GPC5: variants seen among roughly 807,000 people sequenced by gnomAD.
The protein encoded by GPC5 is glypican 5.
GPC5 carries 47 observed loss-of-function variants against 53.9 expected under a neutral mutation model. That is an observed-to-expected ratio of 0.87 (90% CI 0.69 to 1.11). The LOEUF is 1.11. Ranked by LOEUF, GPC5 falls within the 50% of genes most tolerant of loss-of-function variation. The pLI is 0.00. For missense variants in GPC5, 748 were observed against 713.1 expected (o/e 1.05, Z -0.56); for synonymous variants, 286 against 263.3 (o/e 1.09, Z -0.84).
At chr13:92,788,039 T>C (rs1876322331) in intron 7 of GPC5, among the ~76,000 whole-genome samples, 1 of 152,054 alleles carries the variant, frequency 6.6e-6, no homozygotes, top group African/African-American at 2.4e-5. Context: ...AGATTAAAAG[T>C]GCATATCCAG....
chr13:92,725,570 A>G (rs1192795301), intron 7 of GPC5, among the ~76,000 whole-genome samples: 5 of 151,656 alleles, frequency 3.3e-5, no homozygotes, highest in African/African-American at 4.8e-5. Context: ...ATTATCCCTC[A>G]GTGAAATTGG....
intron 2 of GPC5, among the ~76,000 whole-genome samples, chr13:91,553,577 A>C (rs58296272): frequency 0.17 from 26,014 of 152,054 alleles, 2,381 homozygotes; most frequent in South Asian, 0.34. Context: ...CTACGGCATT[A>C]GTTTGTCTAT....
At chr13:92,096,481 G>T (rs1188465796) in intron 6 of GPC5, among the ~76,000 whole-genome samples, 1 of 152,176 alleles carries the variant, frequency 6.6e-6, no homozygotes, top group African/African-American at 2.4e-5. Flanking sequence ...GTTACATGGT[G>T]CCATGGTATG....
intron 7 of GPC5, among the ~76,000 whole-genome samples, chr13:92,642,339 T>A (rs9589609): frequency 0.047 from 7,193 of 152,268 alleles, 591 homozygotes; most frequent in African/African-American, 0.16. Flanking sequence ...TTCATAAAAA[T>A]CCATCCTCAC....
intron 7 of GPC5, among the ~76,000 whole-genome samples, chr13:92,393,212 T>A (rs1274850506): frequency 6.6e-6 from 1 of 152,014 alleles, no homozygotes; most frequent in African/African-American, 2.4e-5. Context: ...CAGAATACTA[T>A]GCAGCCATAA....
At chr13:92,274,495 A>T (rs1377816091) in intron 7 of GPC5, among the ~76,000 whole-genome samples, 1 of 152,022 alleles carries the variant, frequency 6.6e-6, no homozygotes, top group African/African-American at 2.4e-5. Flanking sequence ...ATTGTTCAGG[A>T]TCTTTAAACT....
At chr13:91,638,377 T>C (rs1340953173) in intron 2 of GPC5, among the ~76,000 whole-genome samples, 1 of 152,056 alleles carries the variant, frequency 6.6e-6, no homozygotes, top group Non-Finnish European at 1.5e-5. Flanking sequence ...TTTTTTTTTC[T>C]TTTTTTGAGA....
rs1879356511 is a variant in GPC5 at position 92,866,985 on chromosome 13, T to G, written c.*546T>G. 1 of 152,144 alleles carries G rather than the reference T, an allele frequency of 6.6e-6. No individual in the cohort carries two copies. Among genetic ancestry groups the G allele is most frequent in the Non-Finnish European group, 1.5e-5 (1 of 68,014 alleles). 9.4% of individuals were successfully genotyped at this position (152,144 alleles called of 1,614,324 possible). On this transcript the variant is annotated 3_prime_UTR_variant, in exon 8 of 8. Coordinates refer to ENST00000377067, the MANE Select transcript of GPC5 (RefSeq NM_004466.6). ...TGTCTATAAGTTATGGGGTAGATTC[T>G]TGAGAAGCATTTCATATAATTTCAC...
At chr13:92,226,560 T>C (rs1397195907) in intron 7 of GPC5, among the ~76,000 whole-genome samples, 1 of 151,518 alleles carries the variant, frequency 6.6e-6, no homozygotes, top group African/African-American at 2.4e-5. Context: ...AAAAACACAA[T>C]GGGAACAGAG....
chr13:91,620,156 T>C (rs370406910), intron 2 of GPC5, among the ~76,000 whole-genome samples: 162 of 152,232 alleles, frequency 1.1e-3, no homozygotes, highest in African/African-American at 3.8e-3. Context: ...CTAGCCCAAA[T>C]CATGCTTTAA....
intron 6 of GPC5, among the ~76,000 whole-genome samples, chr13:91,983,127 C>T (rs2040374843): frequency 2.0e-5 from 3 of 151,900 alleles, no homozygotes; most frequent in African/African-American, 2.4e-5. Flanking sequence ...GGGCGGATCA[C>T]GAGGTCAGGA....
intron 7 of GPC5, among the ~76,000 whole-genome samples, chr13:92,298,689 C>T (rs1435401624): frequency 6.6e-6 from 1 of 152,082 alleles, no homozygotes; most frequent in Non-Finnish European, 1.5e-5. Context: ...CTCCTGGGTC[C>T]TGCAGGAGCA....
intron 2 of GPC5, among the ~76,000 whole-genome samples, chr13:91,562,360 T>C (rs2031313794): frequency 6.6e-6 from 1 of 152,146 alleles, no homozygotes; most frequent in Non-Finnish European, 1.5e-5. Flanking sequence ...GTCACCTTCA[T>C]AAGTACATGG....
intron 7 of GPC5, among the ~76,000 whole-genome samples, chr13:92,770,960 A>G (rs937083115): frequency 6.6e-6 from 1 of 151,848 alleles, no homozygotes; most frequent in South Asian, 2.1e-4. Flanking sequence ...TGGTAGTTCT[A>G]TTTCCCCCTA....
chr13:92,293,666 C>G (rs112106875), intron 7 of GPC5, among the ~76,000 whole-genome samples: 143 of 152,116 alleles, frequency 9.4e-4, no homozygotes, highest in African/African-American at 3.3e-3. Context: ...TTCCTCATTA[C>G]CAATTTGGAT....
At chr13:92,135,547 T>A (rs1178072528) in intron 6 of GPC5, among the ~76,000 whole-genome samples, 1 of 152,082 alleles carries the variant, frequency 6.6e-6, no homozygotes, top group Non-Finnish European at 1.5e-5. Flanking sequence ...GAGGTAAGGA[T>A]CAGGAATGGT....
chr13:91,636,278 CTG>C (rs2034282535), intron 2 of GPC5, among the ~76,000 whole-genome samples: 1 of 152,000 alleles, frequency 6.6e-6, no homozygotes, highest in African/African-American at 2.4e-5. Flanking sequence ...AGCATCATGA[CTG>C]TGTCAAGAAC....
chr13:91,819,859 CATGAT>C (rs1257879090), intron 5 of GPC5, among the ~76,000 whole-genome samples: 2 of 152,166 alleles, frequency 1.3e-5, no homozygotes, highest in Non-Finnish European at 2.9e-5. Flanking sequence ...TTTATACTCT[CATGAT>C]ATGAGATGAC....
intron 5 of GPC5, among the ~76,000 whole-genome samples, chr13:91,778,338 A>C (rs1307777699): frequency 6.6e-6 from 1 of 152,292 alleles, no homozygotes; most frequent in African/African-American, 2.4e-5. Flanking sequence ...CGAGTATTCA[A>C]ACCAAAGATT....
Sources: gnomAD v4.1 joint callset for allele counts (sites outside exome capture counted in the v4.1 genomes callset) on GRCh38, gnomAD v4.1.1 for gene constraint, MANE v1.5 for transcripts, NCBI Gene and HGNC (gene_info 2026-07-23, HGNC 2026-07-21) for gene names.